The following OSBPL9 variants were observed in gnomAD, a reference collection of about 807,000 sequenced individuals.
OSBPL9 encodes the protein oxysterol binding protein like 9.
In OSBPL9, 40 loss-of-function variants were observed where a neutral mutation model predicts 106.6. The observed-to-expected ratio is 0.38, with a 90% CI of 0.29 to 0.49. The LOEUF is 0.49. OSBPL9 is among the 20% of genes least tolerant of loss of function. OSBPL9 has a pLI of 0.97. For missense variants in OSBPL9, 609 were observed against 887.2 expected, an observed-to-expected ratio of 0.69 and a Z score of 3.98; for synonymous variants, 269 against 295.4, an observed-to-expected ratio of 0.91 and a Z score of 0.92.
intron 14 of OSBPL9, among the ~76,000 whole-genome samples, 180 bp downstream of exon 14, chr1:51,772,903 C>T (rs1337002804): frequency 6.6e-6 from 1 of 152,104 alleles, no homozygotes; most frequent in African/African-American, 2.4e-5. Flanking sequence ...ATAAGTCAAG[C>T]TAGGATAATT....
rs1266396456 is a variant in OSBPL9, at chr1:51,602,015, G to GTTTTTTTTTTTT, written c.-353+3824_-353+3825insTTTTTTTTTTTT. On this transcript the variant is annotated intron_variant, in intron 2 of 25. Transcript: ENST00000371714. ...GCCAGTCAATTGTTCCATTCTTGGG[G>GTTTTTTTTTTTT]TTCTTTTTTTTTTTTTTTTTTTTGA... is the stretch of plus-strand genomic sequence containing the variant. 2.4e-3 allele frequency among the ~76,000 whole-genome samples: 39 copies of GTTTTTTTTTTTT among 16,260 alleles called. 1 individual carries two copies. The highest frequency in any genetic ancestry group is 3.0e-3 in the Admixed American group (4 of 1,334). 10.7% of individuals were successfully genotyped at this position (16,260 alleles called of 152,430 possible). A position where few individuals can be genotyped will look rare whatever the true frequency, so the allele number is the denominator to read the frequency against.
At chr1:51,537,705 A>G in the OSBPL9 span, among the ~76,000 whole-genome samples, 1 of 151,958 alleles carries the variant, frequency 6.6e-6, no homozygotes, top group East Asian at 1.9e-4. Flanking sequence ...CACTCAGCTA[A>G]TATTTTTAAA....
At chr1:51,640,037 G>A (rs958237106) in intron 1 of OSBPL9, among the ~76,000 whole-genome samples, 7 of 151,470 alleles carry the variant, frequency 4.6e-5, no homozygotes. Context: ...TCACTATGTT[G>A]CCCAGGCTGG....
intron 1 of OSBPL9, among the ~76,000 whole-genome samples, chr1:51,618,116 C>T (rs1644194861): frequency 6.6e-6 from 1 of 151,954 alleles, no homozygotes; most frequent in Non-Finnish European, 1.5e-5. Flanking sequence ...CTCTCGGGTT[C>T]AAGCGATTCT....
chr1:51,551,075 G>A, the OSBPL9 span, among the ~76,000 whole-genome samples: 751 of 152,276 alleles, frequency 4.9e-3, 9 homozygotes, highest in African/African-American at 0.017. Context: ...AAGAGGCAGT[G>A]TGACTTTCCC....
chr1:51,671,075 G>A lies in OSBPL9; in HGVS notation c.241+1563G>A, dbSNP rs901116111. ...TAAAACAAGAAATATTCCTCAGGAAGGATTTAAATGATAAGAGTTATGCAC... is the reference window on the plus strand; with the variant it reads ...TAAAACAAGAAATATTCCTCAGGAAAGATTTAAATGATAAGAGTTATGCAC... On this transcript the variant is annotated intron_variant, in intron 3 of 23. Transcript: ENST00000428468. 1.7e-4 allele frequency among the ~76,000 whole-genome samples: 26 copies of A among 152,144 alleles called. 1 individual carries two copies. Among genetic ancestry groups the A allele is most frequent in the Non-Finnish European group, 5.9e-5 (4 of 68,014 alleles).
At chr1:51,622,599 G>A (rs987550260) in intron 1 of OSBPL9, among the ~76,000 whole-genome samples, 4 of 152,184 alleles carry the variant, frequency 2.6e-5, no homozygotes, top group African/African-American at 7.2e-5. Flanking sequence ...CAGCTTCCAC[G>A]ATGACTCACA....
chr1:51,677,637 C>T (rs185310428), intron 3 of OSBPL9, among the ~76,000 whole-genome samples: 370 of 152,056 alleles, frequency 2.4e-3, no homozygotes, highest in Middle Eastern at 6.8e-3. Context: ...CTGTAACCTC[C>T]GCCTACCGGG....
At chr1:51,561,613 C>A in the OSBPL9 span, 24 of 151,472 alleles carry the variant, frequency 1.6e-4, no homozygotes, top group Non-Finnish European at 3.1e-4. Flanking sequence ...TAAATTTTTC[C>A]AAAATAAAAA....
At chr1:51,612,896 T>C (rs1230742288), upstream of OSBPL9, among the ~76,000 whole-genome samples, 2 of 152,272 alleles carry the variant, frequency 1.3e-5, no homozygotes, top group Non-Finnish European at 2.9e-5. Context: ...ATTCTAATTC[T>C]GGTTCTGCTG....
At position 51,785,695 on chromosome 1, in the gene OSBPL9, A is replaced by G. The variant is rs938717504; in HGVS notation, c.1830-113A>G. 9 of 853,352 alleles carry G rather than the reference A, an allele frequency of 1.1e-5. No homozygotes were observed. In the African/African-American group the frequency reaches 1.6e-4, roughly 15 times the overall value. 52.9% of individuals were successfully genotyped at this position (853,352 alleles called of 1,614,324 possible). A position where few individuals can be genotyped will look rare whatever the true frequency, so the allele number is the denominator to read the frequency against. Reference sequence around the variant, plus strand: ...CAGTTCTGTTAAGATGCTTTCATCAAAAACTTCACAGTTGCTCTTCTGTGC... The same window carrying G: ...CAGTTCTGTTAAGATGCTTTCATCAGAAACTTCACAGTTGCTCTTCTGTGC... On this transcript the variant is annotated intron_variant, in intron 20 of 23. Coordinates refer to ENST00000428468, the MANE Select transcript of OSBPL9 (RefSeq NM_024586.6).
At chr1:51,545,606 C>T in the OSBPL9 span, among the ~76,000 whole-genome samples, 2 of 152,004 alleles carry the variant, frequency 1.3e-5, no homozygotes, top group African/African-American at 4.8e-5. Flanking sequence ...GACCACATCT[C>T]TATAAAAAAT....
chr1:51,718,945 T>G (rs566969725), intron 4 of OSBPL9, among the ~76,000 whole-genome samples: 1 of 152,240 alleles, frequency 6.6e-6, no homozygotes, highest in African/African-American at 2.4e-5. Flanking sequence ...TTCTTGCAGA[T>G]TGTGACCTAA....
chr1:51,701,009 G>A (rs1425659482), intron 3 of OSBPL9, among the ~76,000 whole-genome samples: 3 of 151,480 alleles, frequency 2.0e-5, no homozygotes, highest in African/African-American at 7.3e-5. Flanking sequence ...GCACAATCTC[G>A]GCTCACTGCA....
At position 51,617,232 on chromosome 1, in the gene OSBPL9, G is replaced by A; in HGVS notation, c.111+11G>A. ...CTCTCCTACTACACGGTGAGTCCTT[G>A]GAGGGCACAGCTCCAGGCGCCTCGG... On this transcript the variant is annotated intron_variant, in intron 1 of 23. Transcript: ENST00000428468. 3.1e-6 allele frequency: 5 copies of A among 1,603,292 alleles called. No homozygotes were observed. The highest frequency in any genetic ancestry group is 4.3e-6 in the Non-Finnish European group (5 of 1,174,302).
At chr1:51,720,196 C>CA (rs1321251286) in intron 4 of OSBPL9, among the ~76,000 whole-genome samples, 2 of 152,238 alleles carry the variant, frequency 1.3e-5, no homozygotes, top group East Asian at 1.9e-4. Flanking sequence ...TGTGGCTATA[C>CA]AAATTTTTAT....
At chr1:51,518,979 C>A in the OSBPL9 span, among the ~76,000 whole-genome samples, 10 of 151,026 alleles carry the variant, frequency 6.6e-5, no homozygotes, top group Admixed American at 6.6e-5. Flanking sequence ...AGGAGGCGCC[C>A]GACGACCCTG....
intron 3 of OSBPL9, 116 bp downstream of exon 3, chr1:51,669,628 T>G (rs1414162965): frequency 1.1e-6 from 1 of 920,962 alleles, no homozygotes; most frequent in Non-Finnish European, 1.7e-6. Context: ...CATGAACGAG[T>G]GCATAGGAAC....
chr1:51,781,076 GA>G, intron 15 of OSBPL9, 87 bp from the exon 16 acceptor site: 1 of 1,311,124 alleles, frequency 7.6e-7, no homozygotes, highest in Admixed American at 2.0e-5. Flanking sequence ...CTCTCAGCCT[GA>G]CTTAGGTGGA....
Sources: gnomAD v4.1 joint callset for allele counts (sites outside exome capture counted in the v4.1 genomes callset) on GRCh38, gnomAD v4.1.1 for gene constraint, MANE v1.5 for transcripts, NCBI Gene and HGNC (gene_info 2026-07-23, HGNC 2026-07-21) for gene names.